Variants in SVEP1 observed in about 807,000 individuals in gnomAD.
SVEP1 encodes the protein sushi, von Willebrand factor type A, EGF and pentraxin domain containing 1.
SVEP1 carries 164 observed loss-of-function variants against 367.3 expected under a neutral mutation model. The ratio of observed to expected loss-of-function variants is 0.45; its 90% CI spans 0.39 to 0.51. SVEP1 has a LOEUF of 0.51. SVEP1 is among the 20% of genes least tolerant of loss of function. The pLI is 0.00. For synonymous variants in SVEP1, 1,666 were observed against 1,611.6 expected (o/e 1.03, Z -0.81); for missense variants, 4,117 against 4,425.3 (o/e 0.93, Z 1.98).
chr9:110,370,121 ACTG>A, intron 46 of SVEP1, 105 bp from the exon 47 acceptor site: 1 of 975,184 alleles, frequency 1.0e-6, no homozygotes, highest in Non-Finnish European at 1.6e-6. Flanking sequence ...TGCAGCAGCC[ACTG>A]CTGGTCTTCA....
intron 5 of SVEP1, among the ~76,000 whole-genome samples, chr9:110,503,706 T>C (rs1201814129): frequency 6.6e-6 from 1 of 152,234 alleles, no homozygotes; most frequent in Non-Finnish European, 1.5e-5. Context: ...ACCCAACTTC[T>C]GCCATCTTCG....
intron 40 of SVEP1, among the ~76,000 whole-genome samples, chr9:110,392,579 T>A (rs1374381377): frequency 3.3e-5 from 5 of 152,164 alleles, no homozygotes; most frequent in African/African-American, 1.2e-4. Context: ...AATTCTGCTA[T>A]TTAAATTCTA....
chr9:110,459,205 C>A, intron 18 of SVEP1, 92 bp from the exon 19 acceptor site: 1 of 1,182,500 alleles, frequency 8.5e-7, no homozygotes, highest in South Asian at 1.5e-5. Context: ...AAGAAACCTA[C>A]TGAATTATCT....
intron 1 of SVEP1, among the ~76,000 whole-genome samples, chr9:110,555,774 A>T (rs1205749821): frequency 1.3e-5 from 2 of 152,084 alleles, no homozygotes; most frequent in Admixed American, 6.5e-5. Context: ...CACTTTAAGG[A>T]TAGAGGAGGG....
In SVEP1 at chr9:110,408,819, G is replaced by T. The variant is rs753766016; in HGVS notation, c.6781C>A (p.Pro2261Thr). Residue 2261 changes from proline (P) to threonine (T), a missense_variant, in exon 38 of 48, where the codon CCT becomes ACT. Pro to Thr is a conservative substitution (Grantham distance 38). Transcript: ENST00000374469. Reference sequence around the variant, plus strand: ...GGGGGAGGTTTTCCACAGTCGAGAGGAACACACATCAGAGGGGATTCACTG... The same window carrying T: ...GGGGGAGGTTTTCCACAGTCGAGAGTAACACACATCAGAGGGGATTCACTG... ...WHSESPLMCV[P>T]LDCGKPPPIQ... 7.4e-6 allele frequency: 12 copies of T among 1,613,180 alleles called. No homozygotes were observed. In the South Asian group the frequency reaches 1.3e-4, roughly 18 times the overall value.
chr9:110,368,415 C>G (rs1237981176), intron 47 of SVEP1, among the ~76,000 whole-genome samples: 1 of 152,204 alleles, frequency 6.6e-6, no homozygotes, highest in African/African-American at 2.4e-5. Context: ...CTACACCTCT[C>G]AGCTTAATTT....
In SVEP1 at chr9:110,390,265, A is replaced by ATATATACTTATATAAGTATGTG. The variant is rs1564127440; in HGVS notation, c.9823-679_9823-678insCACATACTTATATAAGTATATA. On this transcript the variant is annotated intron_variant, in intron 40 of 47. Coordinates refer to ENST00000374469, the MANE Select transcript of SVEP1 (RefSeq NM_153366.4). ...TGTATATATACTTATATAAGTATGTATATATATACTTATATATATACATAC... is the reference window on the plus strand; with the variant it reads ...TGTATATATACTTATATAAGTATGTATATATACTTATATAAGTATGTGTATATATACTTATATATATACATAC... 1.2e-3 allele frequency among the ~76,000 whole-genome samples: 99 copies of ATATATACTTATATAAGTATGTG among 84,422 alleles called. 12 individuals carry two copies. Among genetic ancestry groups the ATATATACTTATATAAGTATGTG allele is most frequent in the African/African-American group, 3.7e-3 (70 of 19,020 alleles). The allele number at this position is 84,422 out of a possible 152,430, so 55.4% of individuals were successfully genotyped here. A position where few individuals can be genotyped will look rare whatever the true frequency, so the allele number is the denominator to read the frequency against.
chr9:110,500,089 G>A (rs1829509887), intron 6 of SVEP1, among the ~76,000 whole-genome samples: 1 of 152,180 alleles, frequency 6.6e-6, no homozygotes, highest in Admixed American at 6.5e-5. Context: ...CACCATGCAA[G>A]TAAGTGGCAA....
chr9:110,401,417 A>AT (rs1248637558), intron 39 of SVEP1, among the ~76,000 whole-genome samples: 15 of 151,886 alleles, frequency 9.9e-5, no homozygotes, highest in African/African-American at 3.4e-4. Flanking sequence ...GAAACAGTAA[A>AT]TTTTAGGCAT....
chr9:110,415,145 G>A (rs978915651), intron 36 of SVEP1, among the ~76,000 whole-genome samples: 1 of 152,066 alleles, frequency 6.6e-6, no homozygotes, highest in Non-Finnish European at 1.5e-5. Context: ...GGAAGGCCAA[G>A]TTTAGGGTAG....
At chr9:110,457,099 T>A (rs1828787084) in intron 21 of SVEP1, among the ~76,000 whole-genome samples, 157 bp downstream of exon 21, 1 of 152,224 alleles carries the variant, frequency 6.6e-6, no homozygotes, top group South Asian at 2.1e-4. Flanking sequence ...ATGTATAATT[T>A]TTTCACCTAT....
In SVEP1 at chr9:110,436,464, T is replaced by C. The variant is rs747809833; in HGVS notation, c.4680A>G (p.Lys1560=). The change falls in exon 28 of 48, where the codon AAA becomes AAG. Residue 1560 remains lysine (K), a synonymous_variant. Transcript: ENST00000374469. ...ALVLGQEQDK[K]GEGFSPAESF... is the part of the protein sequence containing the mutation. The stretch of plus-strand genomic sequence containing the variant: ...ACTCAGCTGGGCTGAATCCCTCTCC[T>C]TTTTTGTCTTGCTCTTGCCCCAGAA... 25 of 1,613,920 alleles carry C rather than the reference T, an allele frequency of 1.5e-5. No homozygotes were observed. In the East Asian group the frequency reaches 2.2e-4, roughly 14 times the overall value.
At chr9:110,524,935 C>T (rs1829922651) in intron 3 of SVEP1, among the ~76,000 whole-genome samples, 1 of 152,012 alleles carries the variant, frequency 6.6e-6, no homozygotes, top group Non-Finnish European at 1.5e-5. Flanking sequence ...TGGTCTCAAA[C>T]TCCTGGACTC....
intron 46 of SVEP1, among the ~76,000 whole-genome samples, chr9:110,374,847 A>G (rs1827324948): frequency 6.6e-6 from 1 of 152,210 alleles, no homozygotes; most frequent in Admixed American, 6.5e-5. Context: ...AAGATAATAG[A>G]AATCATTCTA....
intron 3 of SVEP1, among the ~76,000 whole-genome samples, chr9:110,525,320 A>G (rs1425472898): frequency 6.6e-6 from 1 of 152,236 alleles, no homozygotes; most frequent in African/African-American, 2.4e-5. Context: ...AGCAGTGAAC[A>G]TGTGGACAAT....
Position 110,411,483 on chromosome 9 carries a change from G to A in SVEP1, c.6228C>T (p.Pro2076=). 6.2e-7 allele frequency: 1 copy of A among 1,614,010 alleles called. No individual in the cohort carries two copies. The highest frequency in any genetic ancestry group is 1.6e-4 in the Middle Eastern group (1 of 6,062). The change falls in exon 37 of 48, where the codon CCC becomes CCT. Residue 2076 remains proline, a synonymous_variant. Coordinates refer to ENST00000374469, the MANE Select transcript of SVEP1 (RefSeq NM_153366.4). ...TTTCACAGAAATGAGCTATACAACG[G>A]GGCATGTCTTGACCTTCTGGGGGTA... ...KWVPPEGQDM[P]RCIAHFCEKP...
chr9:110,520,206 G>A (rs1171888052), intron 3 of SVEP1, among the ~76,000 whole-genome samples: 1 of 152,062 alleles, frequency 6.6e-6, no homozygotes, highest in African/African-American at 2.4e-5. Flanking sequence ...CAGACTTTAG[G>A]AGAACTATTT....
intron 3 of SVEP1, among the ~76,000 whole-genome samples, chr9:110,532,757 G>A (rs1830036031): frequency 6.6e-6 from 1 of 152,010 alleles, no homozygotes; most frequent in Non-Finnish European, 1.5e-5. Context: ...GGGCACTGTG[G>A]GATGTCTAGC....
At chr9:110,535,487 C>A (rs1161917009) in intron 3 of SVEP1, among the ~76,000 whole-genome samples, 1 of 151,976 alleles carries the variant, frequency 6.6e-6, no homozygotes, top group Non-Finnish European at 1.5e-5. Context: ...TTAGGATTGT[C>A]TTGGCTATTC....
Sources: allele counts gnomAD v4.1 joint callset (sites outside exome capture counted in the v4.1 genomes callset), GRCh38; gene constraint gnomAD v4.1.1; transcripts MANE v1.5; gene names NCBI Gene and HGNC (gene_info 2026-07-23, HGNC 2026-07-21).